DSCAM: variants seen among roughly 807,000 people sequenced by gnomAD.
The protein encoded by DSCAM is DS cell adhesion molecule.
DSCAM carries 47 observed loss-of-function variants against 217.7 expected under a neutral mutation model. The ratio of observed to expected loss-of-function variants is 0.22; its 90% CI spans 0.17 to 0.28. The LOEUF (loss-of-function observed/expected upper bound fraction) is 0.28, where lower values mean the gene tolerates loss of function less well. Among genes scored for constraint, DSCAM ranks in the 10% least tolerant of loss-of-function variants. The pLI is 1.00. For synonymous variants in DSCAM, 1,056 were observed against 1,015.3 expected, an observed-to-expected ratio of 1.04 and a Z score of -0.76; for missense variants, 2,080 against 2,618.3, an observed-to-expected ratio of 0.79 and a Z score of 4.49.
chr21:40,052,285 G>A (rs1241535638), intron 29 of DSCAM, among the ~76,000 whole-genome samples, 178 bp from the exon 30 acceptor site: 4 of 152,222 alleles, frequency 2.6e-5, no homozygotes, highest in Admixed American at 6.5e-5. Flanking sequence ...ACTCTAGAGT[G>A]CTAGGAATAG....
At chr21:40,101,648 T>G (rs79716676) in intron 20 of DSCAM, among the ~76,000 whole-genome samples, 2,596 of 152,216 alleles carry the variant, frequency 0.017, 78 homozygotes, top group African/African-American at 0.059. Context: ...CAATCCACAG[T>G]GTTCTTAGGG....
intron 1 of DSCAM, 148 bp downstream of exon 1, chr21:40,846,471 A>G (rs1032923739): frequency 3.4e-6 from 1 of 291,314 alleles, no homozygotes; most frequent in Non-Finnish European, 6.2e-6. Flanking sequence ...ATGATATTTA[A>G]AAAATAAATA....
At chr21:40,296,910 A>C (rs867209132) in intron 9 of DSCAM, among the ~76,000 whole-genome samples, 1 of 151,790 alleles carries the variant, frequency 6.6e-6, no homozygotes, top group Admixed American at 6.6e-5. Context: ...ATAAGTATTC[A>C]TCTTGGATGT....
intron 24 of DSCAM, among the ~76,000 whole-genome samples, chr21:40,083,219 A>C (rs1410813739): frequency 6.6e-6 from 1 of 152,222 alleles, no homozygotes; most frequent in African/African-American, 2.4e-5. Context: ...ACCTGAGGTC[A>C]GAAGTTCGAG....
rs142849290 is a variant in DSCAM, at chr21:40,453,714, C to T, written c.509-84469G>A. Among the ~76,000 whole-genome samples, 1,050 of 152,260 alleles carry T rather than the reference C, an allele frequency of 6.9e-3. 13 individuals carry two copies. The highest frequency in any genetic ancestry group is 0.023 in the African/African-American group (969 of 41,540). ...TCTTCTTTTAAGAACAGATAATATT[C>T]AATTAAGAAACATTTATATTGAAAT... On this transcript the variant is annotated intron_variant, in intron 3 of 32. Coordinates refer to ENST00000400454, the MANE Select transcript of DSCAM (RefSeq NM_001389.5).
Position 40,421,033 on chromosome 21 carries a change from G to A in DSCAM, c.509-51788C>T, listed in dbSNP as rs145148671. Among the ~76,000 whole-genome samples the A allele has an allele frequency of 3.3e-5, 5 of 152,314 alleles. No individual in the cohort carries two copies. In the East Asian group the frequency reaches 7.7e-4, roughly 24 times the overall value. ...AATATAGAAGCTTAATAAGGAGAGT[G>A]CCTGGGAGCAACAGCCTCAGGCATA... On this transcript the variant is annotated intron_variant, in intron 3 of 32. Coordinates refer to ENST00000400454, the MANE Select transcript of DSCAM (RefSeq NM_001389.5).
At chr21:40,760,296 A>G (rs931943053) in intron 1 of DSCAM, among the ~76,000 whole-genome samples, 25 of 152,184 alleles carry the variant, frequency 1.6e-4, no homozygotes, top group Non-Finnish European at 2.9e-4. Context: ...GATTAAAGGC[A>G]GGAGCCACTA....
intron 20 of DSCAM, among the ~76,000 whole-genome samples, chr21:40,095,431 G>A (rs1191448292): frequency 1.3e-5 from 2 of 152,174 alleles, no homozygotes; most frequent in Non-Finnish European, 2.9e-5. Context: ...TATGCTAAGT[G>A]AAAGGAGCCA....
At chr21:40,332,774 C>A (rs1479883846) in intron 8 of DSCAM, among the ~76,000 whole-genome samples, 1 of 151,952 alleles carries the variant, frequency 6.6e-6, no homozygotes, top group Non-Finnish European at 1.5e-5. Flanking sequence ...CAACCACCAT[C>A]AATAATAAGC....
At chr21:40,577,978 A>C (rs949358492) in intron 3 of DSCAM, among the ~76,000 whole-genome samples, 2 of 152,176 alleles carry the variant, frequency 1.3e-5, no homozygotes, top group Admixed American at 6.5e-5. Flanking sequence ...CAAAGAGCCA[A>C]GATGGAGTCT....
intron 3 of DSCAM, among the ~76,000 whole-genome samples, chr21:40,572,017 A>T (rs944177672): frequency 2.6e-5 from 4 of 152,202 alleles, no homozygotes; most frequent in Non-Finnish European, 5.9e-5. Flanking sequence ...ATCCTAAAAG[A>T]TCTGAAATCT....
intron 27 of DSCAM, among the ~76,000 whole-genome samples, chr21:40,071,755 C>T (rs943722678): frequency 1.3e-5 from 2 of 152,204 alleles, no homozygotes; most frequent in Non-Finnish European, 1.5e-5. Flanking sequence ...AACTTATTCT[C>T]CCAGAGGCAC....
intron 3 of DSCAM, among the ~76,000 whole-genome samples, chr21:40,674,888 G>T (rs2090320297): frequency 1.3e-5 from 2 of 152,196 alleles, no homozygotes; most frequent in Non-Finnish European, 2.9e-5. Context: ...TTCCCAAAGT[G>T]CTGGGATTAC....
chr21:40,223,476 C>CA (rs1569008819), intron 11 of DSCAM, among the ~76,000 whole-genome samples: 1 of 152,116 alleles, frequency 6.6e-6, no homozygotes, highest in East Asian at 1.9e-4. Flanking sequence ...AAAAAAGCTC[C>CA]AATAGGAAGA....
At chr21:40,529,803 C>T (rs1302002144) in intron 3 of DSCAM, among the ~76,000 whole-genome samples, 1 of 152,090 alleles carries the variant, frequency 6.6e-6, no homozygotes, top group African/African-American at 2.4e-5. Flanking sequence ...TAACTCTTGG[C>T]TATCTATCCC....
At chr21:40,039,330 A>ATAAG (rs1043003518) in intron 32 of DSCAM, among the ~76,000 whole-genome samples, 21 of 152,140 alleles carry the variant, frequency 1.4e-4, no homozygotes, top group African/African-American at 5.1e-4. Flanking sequence ...AGAATGGAAA[A>ATAAG]TAAGTCACTT....
At chr21:40,821,975 C>T (rs180689887) in intron 1 of DSCAM, among the ~76,000 whole-genome samples, 497 of 151,464 alleles carry the variant, frequency 3.3e-3, no homozygotes, top group Non-Finnish European at 6.0e-3. Flanking sequence ...ACAAGTTTAT[C>T]CATGTAACAA....
At chr21:40,090,700 C>G in intron 21 of DSCAM, among the ~76,000 whole-genome samples, 1 of 152,176 alleles carries the variant, frequency 6.6e-6, no homozygotes, top group Admixed American at 6.5e-5. Flanking sequence ...TCTCCTCCAT[C>G]TCTCAGCCAA....
chr21:40,368,991 T>A (rs2074864286), intron 4 of DSCAM, 108 bp downstream of exon 4: 3 of 1,276,274 alleles, frequency 2.4e-6, no homozygotes, highest in Non-Finnish European at 3.1e-6. Flanking sequence ...GGAAAAGGAA[T>A]TGAAGGCTCC....
Sources: allele counts gnomAD v4.1 joint callset (sites outside exome capture counted in the v4.1 genomes callset), GRCh38; gene constraint gnomAD v4.1.1; transcripts MANE v1.5; gene names NCBI Gene and HGNC (gene_info 2026-07-23, HGNC 2026-07-21).